LRMDA: variants seen among roughly 807,000 people sequenced by gnomAD.
The protein encoded by LRMDA is leucine-rich melanocyte differentiation-associated protein.
LRMDA carries 18 observed loss-of-function variants against 29.8 expected under a neutral mutation model. The ratio of observed to expected loss-of-function variants is 0.60; its 90% CI spans 0.42 to 0.90. The LOEUF (loss-of-function observed/expected upper bound fraction) is 0.90. Among genes scored for constraint, LRMDA ranks in the 40% least tolerant of loss-of-function variants. The probability of loss-of-function intolerance (pLI) is 0.00; values close to 1 mark genes in which losing one functional copy is unlikely to be tolerated. For synonymous variants in LRMDA, 125 were observed against 109.4 expected (o/e 1.14, Z -0.89); for missense variants, 273 against 273.9 (o/e 1.00, Z 0.02).
At chr10:76,411,912 G>T (rs563392752) in intron 6 of LRMDA, among the ~76,000 whole-genome samples, 1 of 152,214 alleles carries the variant, frequency 6.6e-6, no homozygotes, top group Admixed American at 6.5e-5. Flanking sequence ...AGATGGAGGC[G>T]CTGGCCTTCA....
At chr10:76,281,233 G>T (rs1023505870) in intron 5 of LRMDA, among the ~76,000 whole-genome samples, 1 of 152,194 alleles carries the variant, frequency 6.6e-6, no homozygotes. Context: ...CTGGAAAGTG[G>T]AAGTATATGG....
chr10:76,002,911 T>A (rs1847585333), intron 2 of LRMDA, among the ~76,000 whole-genome samples: 1 of 152,192 alleles, frequency 6.6e-6, no homozygotes, highest in Non-Finnish European at 1.5e-5. Context: ...GATCCCCAAG[T>A]TGGGAAGACT....
At chr10:76,528,210 A>G (rs557543095) in intron 6 of LRMDA, among the ~76,000 whole-genome samples, 3 of 152,282 alleles carry the variant, frequency 2.0e-5, no homozygotes, top group Admixed American at 2.0e-4. Context: ...ATCTTTATAC[A>G]CTAAAATATT....
intron 5 of LRMDA, among the ~76,000 whole-genome samples, chr10:76,309,822 G>A (rs753137284): frequency 2.0e-5 from 3 of 152,128 alleles, no homozygotes; most frequent in African/African-American, 4.8e-5. Context: ...ACAAGCCAGC[G>A]CATTACTGAC....
At chr10:76,439,695 G>A (rs1487196798) in intron 6 of LRMDA, among the ~76,000 whole-genome samples, 3 of 152,222 alleles carry the variant, frequency 2.0e-5, no homozygotes, top group South Asian at 4.1e-4. Context: ...GGCTCTCAAA[G>A]TGCCACTGCG....
At chr10:75,955,322 C>T (rs1275811621) in intron 2 of LRMDA, among the ~76,000 whole-genome samples, 4 of 152,140 alleles carry the variant, frequency 2.6e-5, no homozygotes, top group Admixed American at 2.6e-4. Context: ...TCATGTGTCC[C>T]AGCCTCCATG....
At chr10:76,329,009 G>A (rs1475079539) in intron 6 of LRMDA, among the ~76,000 whole-genome samples, 2 of 152,206 alleles carry the variant, frequency 1.3e-5, no homozygotes, top group East Asian at 1.9e-4. Flanking sequence ...GGAACATCTG[G>A]GTGTCTCCCA....
In LRMDA at chr10:75,609,332, C is replaced by T. The variant is rs1025501159; in HGVS notation, c.131+170838C>T. Among the ~76,000 whole-genome samples, 5 of 152,168 alleles carry T rather than the reference C, an allele frequency of 3.3e-5. No homozygotes were observed. In the East Asian group the frequency reaches 9.6e-4, roughly 29 times the overall value. ...CTGTTCATGAGTGAAGTGTCAAGTACTGGGGTTCTTGTCAATGGCAATTAA... is the reference window on the plus strand; with the variant it reads ...CTGTTCATGAGTGAAGTGTCAAGTATTGGGGTTCTTGTCAATGGCAATTAA... On this transcript the variant is annotated intron_variant, in intron 2 of 6. Transcript: ENST00000611255.
At chr10:76,493,875 T>G (rs1842857288) in intron 6 of LRMDA, among the ~76,000 whole-genome samples, 1 of 152,060 alleles carries the variant, frequency 6.6e-6, no homozygotes, top group Admixed American at 6.6e-5. Context: ...ATTTCTCTTG[T>G]TTTTAGATTT....
At chr10:75,740,839 A>G (rs922237016) in intron 2 of LRMDA, among the ~76,000 whole-genome samples, 4 of 152,206 alleles carry the variant, frequency 2.6e-5, no homozygotes, top group Non-Finnish European at 4.4e-5. Context: ...GAGGGCCATT[A>G]TGACACTTTG....
chr10:76,454,604 C>T (rs924356034), intron 6 of LRMDA, among the ~76,000 whole-genome samples: 1 of 151,968 alleles, frequency 6.6e-6, no homozygotes, highest in African/African-American at 2.4e-5. Flanking sequence ...CTAGACCAAG[C>T]TGTTCTCACC....
At chr10:76,330,344 A>G (rs571704655) in intron 6 of LRMDA, among the ~76,000 whole-genome samples, 1 of 152,168 alleles carries the variant, frequency 6.6e-6, no homozygotes, top group East Asian at 1.9e-4. Context: ...GTGTAGAAAC[A>G]TGGTTAGACA....
At chr10:75,521,984 A>G (rs1845366757) in intron 2 of LRMDA, among the ~76,000 whole-genome samples, 1 of 152,228 alleles carries the variant, frequency 6.6e-6, no homozygotes, top group Non-Finnish European at 1.5e-5. Flanking sequence ...AGTCTCTTCT[A>G]AAGTGCTTAT....
At chr10:76,127,968 AC>A (rs1849915612) in intron 5 of LRMDA, among the ~76,000 whole-genome samples, 2 of 152,282 alleles carry the variant, frequency 1.3e-5, no homozygotes, top group Admixed American at 6.5e-5. Context: ...TTAAAAAAAA[AC>A]AACAACAACA....
Position 76,007,441 on chromosome 10 carries a change from C to G in LRMDA, c.132-28567C>G, listed in dbSNP as rs535264107. 2.6e-5 allele frequency among the ~76,000 whole-genome samples: 4 copies of G among 152,286 alleles called. No individual in the cohort carries two copies. The South Asian group carries it at 8.3e-4, about 32-fold the overall frequency. ...CAGGGCTACAGGGTCACCCCCCAAC[C>G]ATAATTGATCTTGCTTATTCATCTG... On this transcript the variant is annotated intron_variant, in intron 2 of 6. Transcript: ENST00000611255.
At chr10:75,810,303 G>A (rs372536223) in intron 2 of LRMDA, among the ~76,000 whole-genome samples, 1 of 152,140 alleles carries the variant, frequency 6.6e-6, no homozygotes, top group Non-Finnish European at 1.5e-5. Flanking sequence ...CAGTCACACT[G>A]GCTGCAGTGT....
intron 6 of LRMDA, among the ~76,000 whole-genome samples, chr10:76,460,628 A>G (rs1307820619): frequency 1.3e-5 from 2 of 152,184 alleles, no homozygotes; most frequent in African/African-American, 4.8e-5. Context: ...CCTTTTCTTG[A>G]TTCTCTCAGG....
intron 6 of LRMDA, among the ~76,000 whole-genome samples, chr10:76,366,350 A>G (rs946099406): frequency 6.6e-6 from 1 of 152,094 alleles, no homozygotes; most frequent in Admixed American, 6.5e-5. Context: ...CATTTTCACA[A>G]TATTGATTCT....
intron 2 of LRMDA, among the ~76,000 whole-genome samples, chr10:75,605,356 G>T (rs1840943493): frequency 6.6e-6 from 1 of 152,276 alleles, no homozygotes; most frequent in African/African-American, 2.4e-5. Flanking sequence ...GTTTACACCA[G>T]TCTTCAGTCA....
Sources: gnomAD v4.1 joint callset for allele counts (sites outside exome capture counted in the v4.1 genomes callset) on GRCh38, gnomAD v4.1.1 for gene constraint, MANE v1.5 for transcripts, NCBI Gene and HGNC (gene_info 2026-07-23, HGNC 2026-07-21) for gene names.